The following DCTPP1 variants were observed in gnomAD, a reference collection of about 807,000 sequenced individuals.
DCTPP1 encodes the protein dCTP pyrophosphatase 1.
In DCTPP1, 8 loss-of-function variants were observed where a neutral mutation model predicts 8.8. That is an observed-to-expected ratio of 0.91 (90% CI 0.54 to 1.64). DCTPP1 has a LOEUF of 1.64. DCTPP1 is among the 40% of genes most tolerant of loss of function. The pLI is 0.00. For synonymous variants in DCTPP1, 85 were observed against 92.1 expected (o/e 0.92, Z 0.44); for missense variants, 231 against 230.4 (o/e 1.00, Z -0.02).
At position 30,423,706 on chromosome 16, in the gene DCTPP1, G is replaced by T. The variant is rs1423563774; in HGVS notation, c.*527C>A. 6.4e-6 allele frequency: 1 copy of T among 157,372 alleles called. No individual in the cohort carries two copies. The highest frequency in any genetic ancestry group is 1.4e-5 in the Non-Finnish European group (1 of 71,484). The allele number at this position is 157,372 out of a possible 1,614,324, so 9.7% of individuals were successfully genotyped here. A position where few individuals can be genotyped will look rare whatever the true frequency, so the allele number is the denominator to read the frequency against. On this transcript the variant is annotated 3_prime_UTR_variant, in exon 3 of 3. Coordinates refer to ENST00000319285, the MANE Select transcript of DCTPP1 (RefSeq NM_024096.2). ...GAAACCTCACGACCCTATTGGGCAG[G>T]TACTATTCTTTTTATTTGATAGACA...
intron 1 of DCTPP1, chr16:30,429,458 C>A: frequency 2.4e-6 from 1 of 415,850 alleles, no homozygotes; most frequent in Non-Finnish European, 4.3e-6. Flanking sequence ...CTGGAATCGC[C>A]GCACATCAAA....
At chr16:30,428,160 C>T (rs567848181) in intron 2 of DCTPP1, among the ~76,000 whole-genome samples, 47 of 152,296 alleles carry the variant, frequency 3.1e-4, no homozygotes, top group Non-Finnish European at 5.4e-4. Context: ...TCTGTCCAAA[C>T]TCTCCATCAT....
chr16:30,425,775 C>T (rs1253406535), intron 2 of DCTPP1, among the ~76,000 whole-genome samples: 5 of 152,180 alleles, frequency 3.3e-5, no homozygotes, highest in African/African-American at 1.2e-4. Context: ...CGCCATGACG[C>T]CATCACACTC....
At position 30,430,029 on chromosome 16, in the gene DCTPP1, T is replaced by C. The variant is rs531126058; in HGVS notation, c.-49A>G. On this transcript the variant is annotated 5_prime_UTR_variant, in exon 1 of 3. Coordinates refer to ENST00000319285, the MANE Select transcript of DCTPP1 (RefSeq NM_024096.2). ...TTCACGGAAAACCCACGAGCCACGCTCGAAGCCCCGCCTCCAGAGCTCCGA... is the reference window on the plus strand; with the variant it reads ...TTCACGGAAAACCCACGAGCCACGCCCGAAGCCCCGCCTCCAGAGCTCCGA... The C allele has an allele frequency of 1.4e-5, 20 of 1,404,292 alleles. No homozygotes were observed. Among genetic ancestry groups the C allele is most frequent in the Non-Finnish European group, 1.9e-5 (20 of 1,073,542 alleles). The allele number at this position is 1,404,292 out of a possible 1,614,324, so 87.0% of individuals were successfully genotyped here. A position where few individuals can be genotyped will look rare whatever the true frequency, so the allele number is the denominator to read the frequency against.
At position 30,429,881 on chromosome 16, in the gene DCTPP1, T is replaced by G; in HGVS notation, c.100A>C (p.Ile34Leu). 1.3e-6 allele frequency: 2 copies of G among 1,598,478 alleles called. No individual in the cohort carries two copies. Among genetic ancestry groups the G allele is most frequent in the Non-Finnish European group, 1.7e-6 (2 of 1,173,168 alleles). ...CCGAGCTGGGCCAGGCCTGCTTACA[T>G]GTCCTCGAGCGTGGGCTCCGGGCTG... is the stretch of plus-strand genomic sequence containing the variant. ...SFSPEPTLEDIRRLHAEFAAE... is the reference protein window; with the variant it reads ...SFSPEPTLEDLRRLHAEFAAE... Residue 34 changes from isoleucine (I) to leucine (L), a missense_variant and splice_region_variant, in exon 1 of 3, where the codon ATC becomes CTC. Ile to Leu is a conservative substitution (Grantham distance 5). Transcript: ENST00000319285.
At chr16:30,427,073 G>A (rs1049770386) in intron 2 of DCTPP1, among the ~76,000 whole-genome samples, 6 of 149,202 alleles carry the variant, frequency 4.0e-5, no homozygotes, top group Admixed American at 6.7e-5. Flanking sequence ...GCAGTGGCGC[G>A]ATCTCGGCTC....
At chr16:30,429,308 G>A in intron 1 of DCTPP1, 141 bp from the exon 2 acceptor site, 1 of 757,950 alleles carries the variant, frequency 1.3e-6, no homozygotes, top group Non-Finnish European at 2.0e-6. Context: ...GTATTGTGCA[G>A]GTCATTTCCT....
chr16:30,429,061 G>C lies in DCTPP1; in HGVS notation c.208C>G (p.Leu70Val). 2 of 1,613,446 alleles carry C rather than the reference G, an allele frequency of 1.2e-6. No homozygotes were observed. Among genetic ancestry groups the C allele is most frequent in the Non-Finnish European group, 1.7e-6 (2 of 1,179,710 alleles). The change falls in exon 2 of 3, where the codon CTC becomes GTC. Residue 70 changes from leucine to valine, a missense_variant. Leu to Val is a conservative substitution (Grantham distance 32). Coordinates refer to ENST00000319285, the MANE Select transcript of DCTPP1 (RefSeq NM_024096.2). Reference sequence around the variant, plus strand: ...GGAAGCTTTCCATCTACTCACAAGAGTTCTGCCAGCTCCCCCACTTCCCCA... The same window carrying C: ...GGAAGCTTTCCATCTACTCACAAGACTTCTGCCAGCTCCCCCACTTCCCCA... Reference protein sequence around the residue: ...LVGEVGELAELFQWKTDGEPG... With the variant: ...LVGEVGELAEVFQWKTDGEPG...
rs2151129852 is a variant in DCTPP1 at position 30,429,868 on chromosome 16, AG to A, written c.101+11del. On this transcript the variant is annotated intron_variant, in intron 1 of 2. Coordinates refer to ENST00000319285, the MANE Select transcript of DCTPP1 (RefSeq NM_024096.2). The stretch of plus-strand genomic sequence containing the variant: ...CGACTTCCCCACCCCGAGCTGGGCC[AG>A]GCCTGCTTACATGTCCTCGAGCGTG... 1.9e-6 allele frequency: 3 copies of A among 1,596,026 alleles called. No homozygotes were observed. The highest frequency in any genetic ancestry group is 2.6e-6 in the Non-Finnish European group (3 of 1,172,146).
chr16:30,424,164 G>A lies in DCTPP1; in HGVS notation c.*69C>T. 15 of 1,544,812 alleles carry A rather than the reference G, an allele frequency of 9.7e-6. No homozygotes were observed. The highest frequency in any genetic ancestry group is 1.3e-5 in the Non-Finnish European group (15 of 1,145,122). On this transcript the variant is annotated 3_prime_UTR_variant, in exon 3 of 3. Transcript: ENST00000319285. ...ATCTATTCTGAAAAGACTAGAAAAA[G>A]GCTCCAGGGCCAGGCCACTCTCTGC...
chr16:30,427,811 C>G (rs147598791), intron 2 of DCTPP1, among the ~76,000 whole-genome samples: 3 of 152,270 alleles, frequency 2.0e-5, no homozygotes, highest in Non-Finnish European at 4.4e-5. Flanking sequence ...TGGGCAACAA[C>G]AGCGAGAGAT....
In DCTPP1 at chr16:30,423,675, C is replaced by G. The variant is rs1567443994; in HGVS notation, c.*558G>C. The G allele has an allele frequency of 6.5e-6, 1 of 153,154 alleles. No individual in the cohort carries two copies. Among genetic ancestry groups the G allele is most frequent in the Non-Finnish European group, 1.5e-5 (1 of 68,948 alleles). The allele number at this position is 153,154 out of a possible 1,614,324, so 9.5% of individuals were successfully genotyped here. A position where few individuals can be genotyped will look rare whatever the true frequency, so the allele number is the denominator to read the frequency against. On this transcript the variant is annotated 3_prime_UTR_variant, in exon 3 of 3. Transcript: ENST00000319285. The stretch of plus-strand genomic sequence containing the variant: ...GGCCCCGCCCTGAGCATTCACATAA[C>G]TCATTGAAACCTCACGACCCTATTG...
At chr16:30,426,953 G>A (rs1447148057) in intron 2 of DCTPP1, among the ~76,000 whole-genome samples, 2 of 150,680 alleles carry the variant, frequency 1.3e-5, no homozygotes, top group Non-Finnish European at 1.5e-5. Flanking sequence ...TGCCTGCCTC[G>A]GCCTCCCAAA....
intron 2 of DCTPP1, among the ~76,000 whole-genome samples, chr16:30,425,774 G>A (rs939704527): frequency 3.3e-5 from 5 of 152,100 alleles, no homozygotes; most frequent in Admixed American, 3.3e-4. Flanking sequence ...CCGCCATGAC[G>A]CCATCACACT....
At chr16:30,427,301 C>T (rs1306584984) in intron 2 of DCTPP1, among the ~76,000 whole-genome samples, 1 of 150,654 alleles carries the variant, frequency 6.6e-6, no homozygotes. Context: ...TGAGCCACCC[C>T]GCCCAGCCCC....
Position 30,424,506 on chromosome 16 carries a change from G to A in DCTPP1, c.240C>T (p.Gly80=), listed in dbSNP as rs1421751151. The A allele has an allele frequency of 6.2e-7, 1 of 1,613,876 alleles. No individual in the cohort carries two copies. Among genetic ancestry groups the A allele is most frequent in the Non-Finnish European group, 8.5e-7 (1 of 1,180,026 alleles). ...GTTCCCTGGGGGACCAGCCTTGGGG[G>A]CCAGGTTCCCCATCGGTTTTCCACT... The part of the protein sequence containing the change: ...LFQWKTDGEP[G]PQGWSPRERA... Residue 80 remains glycine, a synonymous_variant, in exon 3 of 3, where the codon GGC becomes GGT. Coordinates refer to ENST00000319285, the MANE Select transcript of DCTPP1 (RefSeq NM_024096.2).
Position 30,430,010 on chromosome 16 carries a change from G to C in DCTPP1, c.-30C>G, listed in dbSNP as rs762532977. 3 of 1,437,762 alleles carry C rather than the reference G, an allele frequency of 2.1e-6. No individual in the cohort carries two copies. Among genetic ancestry groups the C allele is most frequent in the Non-Finnish European group, 2.7e-6 (3 of 1,092,710 alleles). 89.1% of individuals were successfully genotyped at this position (1,437,762 alleles called of 1,614,324 possible). A position where few individuals can be genotyped will look rare whatever the true frequency, so the allele number is the denominator to read the frequency against. The stretch of plus-strand genomic sequence containing the variant: ...CCCACCGCTGCACCGCGACTTCACG[G>C]AAAACCCACGAGCCACGCTCGAAGC... On this transcript the variant is annotated 5_prime_UTR_variant, in exon 1 of 3. Transcript: ENST00000319285.
rs966667212 is a variant in DCTPP1 at position 30,423,899 on chromosome 16, G to C, written c.*334C>G. 2 of 249,318 alleles carry C rather than the reference G, an allele frequency of 8.0e-6. No homozygotes were observed. Among genetic ancestry groups the C allele is most frequent in the Non-Finnish European group, 1.5e-5 (2 of 129,662 alleles). The allele number at this position is 249,318 out of a possible 1,614,324, so 15.4% of individuals were successfully genotyped here. On this transcript the variant is annotated 3_prime_UTR_variant, in exon 3 of 3. Coordinates refer to ENST00000319285, the MANE Select transcript of DCTPP1 (RefSeq NM_024096.2). ...ATGACATCCTACTGGGAATTTGCTA[G>C]AAACCAGATCTCTCTGCCCTGCAGG...
In DCTPP1 at chr16:30,424,341, G is replaced by A. The variant is rs1198543712; in HGVS notation, c.405C>T (p.Arg135=). 6.2e-7 allele frequency: 1 copy of A among 1,614,126 alleles called. No homozygotes were observed. The highest frequency in any genetic ancestry group is 8.5e-7 in the Non-Finnish European group (1 of 1,180,058). ...NRRRYPAHLA[R]SSSRKYTELP... ...ATTCTGTATACTTGCGGGAAGAGCT[G>A]CGGGCCAGATGGGCTGGGTAGCGTC... is the stretch of plus-strand genomic sequence containing the variant. Residue 135 remains arginine (R), a synonymous_variant, in exon 3 of 3, where the codon CGC becomes CGT. Transcript: ENST00000319285.
Sources: allele counts gnomAD v4.1 joint callset (sites outside exome capture counted in the v4.1 genomes callset), GRCh38; gene constraint gnomAD v4.1.1; transcripts MANE v1.5; gene names NCBI Gene and HGNC (gene_info 2026-07-23, HGNC 2026-07-21).